Variants in CA11 observed in about 807,000 individuals in gnomAD.
CA11 encodes the protein carbonic anhydrase 11 (inactive), also known as carbonic anhydrase-related protein 11.
A neutral mutation model predicts 39.3 loss-of-function variants in CA11; 20 were observed. The ratio of observed to expected loss-of-function variants is 0.51; its 90% CI spans 0.36 to 0.74. The LOEUF (loss-of-function observed/expected upper bound fraction) is 0.74, where lower values mean the gene tolerates loss of function less well. Ranked by LOEUF, CA11 falls within the 30% of genes least tolerant of loss-of-function variation. The pLI, the probability that CA11 is intolerant of heterozygous loss-of-function variation, is 0.00. For synonymous variants in CA11, 166 were observed against 172.5 expected (o/e 0.96, Z 0.29); for missense variants, 336 against 424.6 (o/e 0.79, Z 1.83).
intron 3 of CA11, 83 bp from the exon 4 acceptor site, chr19:48,640,363 C>T (rs2031031256): frequency 1.3e-5 from 8 of 594,656 alleles, no homozygotes; most frequent in African/African-American, 2.1e-5. Flanking sequence ...CTGATTCCAA[C>T]AGTCTTTTTT....
At chr19:48,638,375 G>GGT (rs1555745074) in intron 8 of CA11, 7 of 82,604 alleles carry the variant, frequency 8.5e-5, no homozygotes, top group Non-Finnish European at 6.6e-5. Flanking sequence ...AGGTCTTCAT[G>GGT]GGGGGGGGGG....
At chr19:48,639,676 C>G (rs556886440) in intron 5 of CA11, 55 bp from the exon 6 acceptor site, 3 of 1,601,630 alleles carry the variant, frequency 1.9e-6, no homozygotes. Context: ...AGCCCTCAAC[C>G]TTCTCCTCCC....
rs2031020691 is a variant in CA11 at position 48,640,087 on chromosome 19, G to A, written c.471+8C>T. ...GAGGGTGGCGGGTAAACAATCAGTGGCCACTACCTCAGCAGAGAAGCCCTG... is the reference window on the plus strand; with the variant it reads ...GAGGGTGGCGGGTAAACAATCAGTGACCACTACCTCAGCAGAGAAGCCCTG... On this transcript the variant is annotated splice_region_variant and intron_variant, in intron 4 of 8. Coordinates refer to ENST00000084798, the MANE Select transcript of CA11 (RefSeq NM_001217.5). The A allele has an allele frequency of 6.2e-7, 1 of 1,609,804 alleles. No individual in the cohort carries two copies. The highest frequency in any genetic ancestry group is 8.5e-7 in the Non-Finnish European group (1 of 1,176,686).
At position 48,638,196 on chromosome 19, in the gene CA11, G is replaced by T. The variant is rs751355361; in HGVS notation, c.962-52C>A. Reference sequence around the variant, plus strand: ...GGCGTCAGTATAGGATGGAAGGGGCGGGGGGTGTGCAGGGGGCGTGGGCTG... The same window carrying T: ...GGCGTCAGTATAGGATGGAAGGGGCTGGGGGTGTGCAGGGGGCGTGGGCTG... On this transcript the variant is annotated intron_variant, in intron 8 of 8. Coordinates refer to ENST00000084798, the MANE Select transcript of CA11 (RefSeq NM_001217.5). 7.6e-6 allele frequency: 9 copies of T among 1,177,230 alleles called. No homozygotes were observed. In the South Asian group the frequency reaches 1.4e-4, roughly 18 times the overall value. The allele number at this position is 1,177,230 out of a possible 1,614,324, so 72.9% of individuals were successfully genotyped here. A position where few individuals can be genotyped will look rare whatever the true frequency, so the allele number is the denominator to read the frequency against.
At chr19:48,644,118 AACAATAATAATAATT>A (rs2147722544) in intron 3 of CA11, among the ~76,000 whole-genome samples, 1 of 152,040 alleles carries the variant, frequency 6.6e-6, no homozygotes, top group Non-Finnish European at 1.5e-5. Context: ...TAATAATAAT[AACAATAATAATAATT>A]GTACCCATTT....
rs375737455 is a variant in CA11 at position 48,641,259 on chromosome 19, C to T, written c.286-979G>A. ...CCTCCCAAAGTGCTGGGGTTACAGG[C>T]GTGAGCCACCGTGCCTGGCCTCCAA... On this transcript the variant is annotated intron_variant, in intron 3 of 8. Transcript: ENST00000084798. Among the ~76,000 whole-genome samples, 225 of 152,284 alleles carry T rather than the reference C, an allele frequency of 1.5e-3. 7 individuals are homozygous for T. In the South Asian group the frequency reaches 0.044, roughly 30 times the overall value.
Position 48,638,919 on chromosome 19 carries a change from C to A in CA11, c.930G>T (p.Arg310Ser). ...GGCGGTAGTTGGGGCCTCGGCAGCGCCTCTCGGGGTGCCGGGGGTCCCTGT... is the reference window on the plus strand; with the variant it reads ...GGCGGTAGTTGGGGCCTCGGCAGCGACTCTCGGGGTGCCGGGGGTCCCTGT... ...RGNRDPRHPERRCRGPNYRLH... is the reference protein window; with the variant it reads ...RGNRDPRHPESRCRGPNYRLH... The change falls in exon 8 of 9, where the codon AGG (arginine) becomes AGT (serine). Residue 310 changes from arginine to serine, a missense_variant. By Grantham distance (110) the Arg-to-Ser change is moderately radical (BLOSUM62 -1). Coordinates refer to ENST00000084798, the MANE Select transcript of CA11 (RefSeq NM_001217.5). 6.2e-7 allele frequency: 1 copy of A among 1,605,092 alleles called. No individual in the cohort carries two copies. The highest frequency in any genetic ancestry group is 1.1e-5 in the South Asian group (1 of 90,186).
chr19:48,639,472 C>T lies in CA11; in HGVS notation c.641-13G>A. 6.2e-7 allele frequency: 1 copy of T among 1,613,922 alleles called. No homozygotes were observed. Among genetic ancestry groups the T allele is most frequent in the Non-Finnish European group, 8.5e-7 (1 of 1,179,954 alleles). ...AAGTAGGCATCATCTGCGGGAATAT[C>T]AGGCCAGAGTAAAGAGGGATGGCAC... is the stretch of plus-strand genomic sequence containing the variant. On this transcript the variant is annotated splice_polypyrimidine_tract_variant and intron_variant, in intron 6 of 8. Transcript: ENST00000084798.
chr19:48,644,424 T>A lies in CA11; in HGVS notation c.285+3A>T. 5 of 1,585,522 alleles carry A rather than the reference T, an allele frequency of 3.2e-6. No homozygotes were observed. The highest frequency in any genetic ancestry group is 4.3e-6 in the Non-Finnish European group (5 of 1,162,766). On this transcript the variant is annotated splice_donor_region_variant and intron_variant, in intron 3 of 8. Coordinates refer to ENST00000084798, the MANE Select transcript of CA11 (RefSeq NM_001217.5). ...CAATAGCTCCTCCCTCCAAGCCCCT[T>A]ACCTTCTCTCCTCCAGTGCTGAGCC... is the stretch of plus-strand genomic sequence containing the variant.
intron 3 of CA11, among the ~76,000 whole-genome samples, chr19:48,640,744 C>G (rs1275422654): frequency 1.4e-5 from 2 of 145,352 alleles, no homozygotes; most frequent in Middle Eastern, 4.1e-3. Flanking sequence ...GCGAGAGCTC[C>G]GCTCACTGCA....
chr19:48,638,374 T>TGGGGGGGGGGGG (rs10561261), intron 8 of CA11: 2 of 76,660 alleles, frequency 2.6e-5, no homozygotes, highest in Non-Finnish European at 3.8e-5. Context: ...AAGGTCTTCA[T>TGGGGGGGGGGGG]GGGGGGGGGG....
At position 48,644,513 on chromosome 19, in the gene CA11, G is replaced by A. The variant is rs747496202; in HGVS notation, c.199C>T (p.Arg67Trp). Residue 67 changes from arginine to tryptophan, a missense_variant, in exon 3 of 9, where the codon CGG (arginine) becomes TGG (tryptophan). Physicochemically the swap from Arg to Trp is moderately radical, Grantham distance 101. Coordinates refer to ENST00000084798, the MANE Select transcript of CA11 (RefSeq NM_001217.5). ...AAWSLCAVGKRQSPVDVELKR... is the reference protein window; with the variant it reads ...AAWSLCAVGKWQSPVDVELKR... ...AGCTCCACATCCACGGGGCTCTGCC[G>A]CTTCCCCACAGCACACAGACTCCAC... The A allele has an allele frequency of 7.4e-6, 12 of 1,611,326 alleles. No homozygotes were observed. The highest frequency in any genetic ancestry group is 4.0e-5 in the African/African-American group (3 of 74,874).
chr19:48,642,011 T>C (rs2031103202), intron 3 of CA11, among the ~76,000 whole-genome samples: 1 of 151,766 alleles, frequency 6.6e-6, no homozygotes, highest in African/African-American at 2.4e-5. Flanking sequence ...CAGGGGTGAC[T>C]TGCAAAAGAA....
chr19:48,642,254 T>G (rs2031110566), intron 3 of CA11, among the ~76,000 whole-genome samples: 1 of 152,120 alleles, frequency 6.6e-6, no homozygotes, highest in Non-Finnish European at 1.5e-5. Context: ...ATCCCAGCAC[T>G]TCGGGAAGCT....
rs200163108 is a variant in CA11 at position 48,640,196 on chromosome 19, G to A, written c.370C>T (p.Leu124Phe). 1 of 1,614,090 alleles carries A rather than the reference G, an allele frequency of 6.2e-7. No homozygotes were observed. Among genetic ancestry groups the A allele is most frequent in the African/African-American group, 1.3e-5 (1 of 75,030 alleles). ...RPVVNVSGGP[L>F]LYSHRLSELR... ...TCACTGAGTCGGTGGCTGTAAAGGAGGGGACCTCCAGACACATTGACCACA... is the reference window on the plus strand; with the variant it reads ...TCACTGAGTCGGTGGCTGTAAAGGAAGGGACCTCCAGACACATTGACCACA... The change falls in exon 4 of 9, where the codon CTC (leucine) becomes TTC (phenylalanine). Residue 124 changes from leucine (L) to phenylalanine (F), a missense_variant. Coordinates refer to ENST00000084798, the MANE Select transcript of CA11 (RefSeq NM_001217.5).
At chr19:48,642,524 A>T (rs1229934817) in intron 3 of CA11, among the ~76,000 whole-genome samples, 1 of 152,206 alleles carries the variant, frequency 6.6e-6, no homozygotes, top group Non-Finnish European at 1.5e-5. Context: ...ATAAAAATAA[A>T]TAAACTGCAT....
Position 48,639,437 on chromosome 19 carries a change from G to A in CA11, c.663C>T (p.Asp221=), listed in dbSNP as rs776282558. Residue 221 remains aspartate (D), a synonymous_variant, in exon 7 of 9, where the codon GAC becomes GAT. Transcript: ENST00000084798. ...SYKNDAYFLQ[D]LSLELLFPES... ...CAGGGAACAGGAGCTCCAGGCTCAG[G>A]TCTTGAAGAAAGTAGGCATCATCTG... The A allele has an allele frequency of 7.4e-6, 12 of 1,613,772 alleles. No individual in the cohort carries two copies. Among genetic ancestry groups the A allele is most frequent in the Non-Finnish European group, 1.0e-5 (12 of 1,179,956 alleles).
At position 48,638,147 on chromosome 19, in the gene CA11, G is replaced by A; in HGVS notation, c.962-3C>T. ...GCGACCATGGGGGACACCATCCACTGTAAGACAGAGAACAACGGCAGGGGG... is the reference window on the plus strand; with the variant it reads ...GCGACCATGGGGGACACCATCCACTATAAGACAGAGAACAACGGCAGGGGG... On this transcript the variant is annotated splice_region_variant and splice_polypyrimidine_tract_variant and intron_variant, in intron 8 of 8. Coordinates refer to ENST00000084798, the MANE Select transcript of CA11 (RefSeq NM_001217.5). The A allele has an allele frequency of 8.9e-7, 1 of 1,128,102 alleles. No individual in the cohort carries two copies. Among genetic ancestry groups the A allele is most frequent in the Non-Finnish European group, 1.1e-6 (1 of 877,868 alleles). 69.9% of individuals were successfully genotyped at this position (1,128,102 alleles called of 1,614,324 possible).
intron 2 of CA11, among the ~76,000 whole-genome samples, 176 bp from the exon 3 acceptor site, chr19:48,644,745 C>A (rs936048134): frequency 1.3e-5 from 2 of 152,042 alleles, no homozygotes; most frequent in Non-Finnish European, 2.9e-5. Context: ...ATTCTGGGTC[C>A]TAGAAGAATC....
Sources: gnomAD v4.1 joint callset for allele counts (sites outside exome capture counted in the v4.1 genomes callset) on GRCh38, gnomAD v4.1.1 for gene constraint, MANE v1.5 for transcripts, NCBI Gene and HGNC (gene_info 2026-07-23, HGNC 2026-07-21) for gene names.